The following C1orf146 variants were observed in gnomAD, a reference collection of about 807,000 sequenced individuals.
C1orf146 encodes protein SPO16 homolog.
Under a neutral mutation model 23.0 loss-of-function variants are expected in C1orf146, and 22 were observed. That is an observed-to-expected ratio of 0.96 (90% confidence interval 0.68 to 1.36). The LOEUF is 1.36. C1orf146 is among the 40% of genes most tolerant of loss of function. The pLI is 0.00. For missense variants in C1orf146, 199 were observed against 206.8 expected, an observed-to-expected ratio of 0.96 and a Z score of 0.23; for synonymous variants, 59 against 65.3, an observed-to-expected ratio of 0.90 and a Z score of 0.47.
intron 1 of C1orf146, among the ~76,000 whole-genome samples, chr1:92,221,036 A>C (rs966885000): frequency 6.6e-6 from 1 of 152,254 alleles, no homozygotes; most frequent in Admixed American, 6.5e-5. Context: ...TGCAGAATAT[A>C]TAAGATGCCT....
chr1:92,224,127 T>G (rs1392837381), intron 1 of C1orf146, among the ~76,000 whole-genome samples: 1 of 151,638 alleles, frequency 6.6e-6, no homozygotes, highest in Non-Finnish European at 1.5e-5. Flanking sequence ...CTCGGCTCAC[T>G]GCAAGCTCCT....
intron 1 of C1orf146, among the ~76,000 whole-genome samples, chr1:92,230,045 G>T (rs541239677): frequency 6.9e-6 from 1 of 145,794 alleles, no homozygotes; most frequent in East Asian, 2.3e-4. Flanking sequence ...CTGTATACCT[G>T]GTTGCCACTG....
intron 1 of C1orf146, among the ~76,000 whole-genome samples, chr1:92,223,380 T>G (rs958982976): frequency 1.3e-5 from 2 of 152,236 alleles, no homozygotes; most frequent in Non-Finnish European, 2.9e-5. Flanking sequence ...ATCTTGTAGC[T>G]TTAATTTGCA....
At chr1:92,225,294 A>T (rs1462837805) in intron 1 of C1orf146, among the ~76,000 whole-genome samples, 2 of 151,942 alleles carry the variant, frequency 1.3e-5, no homozygotes, top group African/African-American at 4.8e-5. Flanking sequence ...TTTTGTAGAG[A>T]TGGGGTTTTG....
At chr1:92,219,495 T>A (rs933911745) in intron 1 of C1orf146, among the ~76,000 whole-genome samples, 27 of 116,706 alleles carry the variant, frequency 2.3e-4, no homozygotes, top group African/African-American at 9.2e-4. Flanking sequence ...ACTTTCTCTT[T>A]CTTTTTTTTT....
chr1:92,219,186 T>A (rs974587200), intron 1 of C1orf146, among the ~76,000 whole-genome samples: 6 of 152,158 alleles, frequency 3.9e-5, no homozygotes, highest in Non-Finnish European at 5.9e-5. Flanking sequence ...TATTAGTAAG[T>A]ATGTGTAGGG....
chr1:92,234,865 T>C (rs1353040799), intron 2 of C1orf146, among the ~76,000 whole-genome samples: 1 of 152,260 alleles, frequency 6.6e-6, no homozygotes. Context: ...GAGGAATTTA[T>C]CCATTTATTC....
intron 1 of C1orf146, among the ~76,000 whole-genome samples, chr1:92,228,804 G>A (rs942828956): frequency 6.6e-6 from 1 of 152,130 alleles, no homozygotes; most frequent in East Asian, 1.9e-4. Context: ...AATACCAAGG[G>A]GAACAGTTAA....
At chr1:92,226,112 A>G (rs1651960410) in intron 1 of C1orf146, among the ~76,000 whole-genome samples, 1 of 152,228 alleles carries the variant, frequency 6.6e-6, no homozygotes, top group African/African-American at 2.4e-5. Context: ...CGTCACCACT[A>G]TTAAGTCTGC....
intron 1 of C1orf146, among the ~76,000 whole-genome samples, chr1:92,230,007 C>T (rs1023188257): frequency 2.0e-5 from 3 of 152,228 alleles, no homozygotes; most frequent in Non-Finnish European, 2.9e-5. Flanking sequence ...AACTTTAGCA[C>T]GCTGAACTTA....
At chr1:92,227,070 A>G (rs1357925862) in intron 1 of C1orf146, among the ~76,000 whole-genome samples, 1 of 151,766 alleles carries the variant, frequency 6.6e-6, no homozygotes, top group Non-Finnish European at 1.5e-5. Context: ...TTTTTTTGCT[A>G]TTGTTGTATA....
intron 2 of C1orf146, among the ~76,000 whole-genome samples, chr1:92,237,667 G>A (rs896722140): frequency 2.6e-5 from 4 of 152,276 alleles, no homozygotes; most frequent in Admixed American, 6.5e-5. Context: ...TGTCTTCTGC[G>A]TTGCTCATGC....
At chr1:92,243,711 T>C (rs1251773150) in intron 3 of C1orf146, among the ~76,000 whole-genome samples, 1 of 152,124 alleles carries the variant, frequency 6.6e-6, no homozygotes, top group Non-Finnish European at 1.5e-5. Flanking sequence ...AATAAGAGCC[T>C]CTTGGTTGCT....
At chr1:92,239,254 T>A (rs1652372074) in intron 2 of C1orf146, among the ~76,000 whole-genome samples, 1 of 152,230 alleles carries the variant, frequency 6.6e-6, no homozygotes, top group Non-Finnish European at 1.5e-5. Flanking sequence ...CTATTGTTTC[T>A]GATAGTTTTC....
Position 92,231,394 on chromosome 1 carries a change from T to G in C1orf146, c.-27T>G. ...TTAATTTTCTCAGATTGTTGCACCA[T>G]TAGAAGCTAGGTTGATCCACAGACA... On this transcript the variant is annotated 5_prime_UTR_variant, in exon 2 of 6. Coordinates refer to ENST00000370375, the MANE Select transcript of C1orf146 (RefSeq NM_001012425.2). The G allele has an allele frequency of 1.3e-6, 2 of 1,528,384 alleles. No homozygotes were observed. The highest frequency in any genetic ancestry group is 1.8e-6 in the Non-Finnish European group (2 of 1,124,526). The allele number at this position is 1,528,384 out of a possible 1,614,324, so 94.7% of individuals were successfully genotyped here.
chr1:92,236,870 C>T (rs530684408), intron 2 of C1orf146, among the ~76,000 whole-genome samples: 6 of 152,162 alleles, frequency 3.9e-5, no homozygotes, highest in African/African-American at 9.7e-5. Context: ...CATCTTCCAT[C>T]GCTGATACCC....
chr1:92,235,912 A>G (rs1403903462), intron 2 of C1orf146, among the ~76,000 whole-genome samples: 2 of 151,894 alleles, frequency 1.3e-5, no homozygotes, highest in Middle Eastern at 3.2e-3. Context: ...AGTCTGTTTT[A>G]TCAGAGACTA....
At chr1:92,228,055 G>C (rs1652012219) in intron 1 of C1orf146, among the ~76,000 whole-genome samples, 1 of 152,048 alleles carries the variant, frequency 6.6e-6, no homozygotes, top group Non-Finnish European at 1.5e-5. Flanking sequence ...ATAATGCCTT[G>C]TGTGTGTATT....
At chr1:92,245,072 A>C (rs1652557587) in intron 5 of C1orf146, among the ~76,000 whole-genome samples, 4 of 152,172 alleles carry the variant, frequency 2.6e-5, no homozygotes, top group African/African-American at 9.7e-5. Context: ...ACTTGGGGCC[A>C]AAAGAGCATT....
Sources: allele counts gnomAD v4.1 joint callset (sites outside exome capture counted in the v4.1 genomes callset), GRCh38; gene constraint gnomAD v4.1.1; transcripts MANE v1.5; gene names NCBI Gene and HGNC (gene_info 2026-07-23, HGNC 2026-07-21).